Variants in ITPR2 observed in about 807,000 individuals in gnomAD.
ITPR2 encodes inositol 1,4,5-trisphosphate-gated calcium channel ITPR2.
Under a neutral mutation model 317.1 loss-of-function variants are expected in ITPR2, and 207 were observed. That is an observed-to-expected ratio of 0.65 (90% CI 0.58 to 0.73). ITPR2 has a LOEUF of 0.73. ITPR2 is among the 30% of genes least tolerant of loss of function. The pLI is 0.00. For missense variants in ITPR2, 2,613 were observed against 3,284.0 expected (o/e 0.80, Z 4.99); for synonymous variants, 1,156 against 1,149.1 (o/e 1.01, Z -0.12).
chr12:26,366,247 CAAAT>C (rs1202692628), intron 55 of ITPR2, among the ~76,000 whole-genome samples: 1 of 152,134 alleles, frequency 6.6e-6, no homozygotes, highest in African/African-American at 2.4e-5. Flanking sequence ...AACTAAATGA[CAAAT>C]AAGTAATGAA....
intron 2 of ITPR2, among the ~76,000 whole-genome samples, chr12:26,746,648 T>G (rs577725101): frequency 6.6e-6 from 1 of 152,316 alleles, no homozygotes; most frequent in Non-Finnish European, 1.5e-5. Flanking sequence ...TTATTACTGA[T>G]GCACACATGT....
chr12:26,536,335 G>A (rs1299476431), intron 37 of ITPR2, among the ~76,000 whole-genome samples: 2 of 152,136 alleles, frequency 1.3e-5, no homozygotes, highest in Non-Finnish European at 1.5e-5. Flanking sequence ...TTCTCAGGAG[G>A]AACAGCCCCT....
At chr12:26,570,278 A>G (rs1182857235) in intron 34 of ITPR2, among the ~76,000 whole-genome samples, 6 of 152,202 alleles carry the variant, frequency 3.9e-5, no homozygotes, top group Non-Finnish European at 7.4e-5. Context: ...AGAATAATGC[A>G]TTTCAGATAA....
At chr12:26,822,413 T>C (rs191414759) in intron 1 of ITPR2, among the ~76,000 whole-genome samples, 64 of 152,296 alleles carry the variant, frequency 4.2e-4, no homozygotes, top group Middle Eastern at 3.4e-3. Flanking sequence ...ACTCCATATA[T>C]ACCAGAAGGG....
chr12:26,536,380 T>A (rs1177969069), intron 37 of ITPR2, among the ~76,000 whole-genome samples: 1 of 152,124 alleles, frequency 6.6e-6, no homozygotes, highest in Non-Finnish European at 1.5e-5. Flanking sequence ...GGACAGTTTG[T>A]TAGTCCCCTG....
At chr12:26,516,121 C>T (rs1028230817) in intron 37 of ITPR2, among the ~76,000 whole-genome samples, 3 of 124,842 alleles carry the variant, frequency 2.4e-5, no homozygotes, top group African/African-American at 9.1e-5. Flanking sequence ...GAGACCCTGT[C>T]TCAAAAGAAA....
chr12:26,779,968 GC>G (rs1436245200), intron 2 of ITPR2, among the ~76,000 whole-genome samples: 1 of 152,204 alleles, frequency 6.6e-6, no homozygotes, highest in Admixed American at 6.5e-5. Context: ...CCATGTGAGT[GC>G]TCACCAACAG....
At chr12:26,716,085 T>C (rs1404424209) in intron 6 of ITPR2, 59 bp downstream of exon 6, 1 of 1,116,698 alleles carries the variant, frequency 9.0e-7, no homozygotes, top group East Asian at 2.4e-5. Flanking sequence ...TATTACTTTT[T>C]TCTCCCTCTG....
chr12:26,572,957 A>G (rs988215119), intron 34 of ITPR2, among the ~76,000 whole-genome samples: 4 of 149,634 alleles, frequency 2.7e-5, no homozygotes, highest in Admixed American at 2.0e-4. Context: ...GGGCAACATG[A>G]TAAAGCATAA....
intron 4 of ITPR2, among the ~76,000 whole-genome samples, chr12:26,723,645 C>T (rs1948872238): frequency 6.6e-6 from 1 of 152,210 alleles, no homozygotes; most frequent in East Asian, 1.9e-4. Flanking sequence ...CAACAGTGCA[C>T]TGCTTTGACT....
chr12:26,450,534 G>T (rs962102750), intron 45 of ITPR2, among the ~76,000 whole-genome samples: 1 of 152,154 alleles, frequency 6.6e-6, no homozygotes, highest in Non-Finnish European at 1.5e-5. Flanking sequence ...TCAGAGTCCT[G>T]TGAGAAAGAA....
chr12:26,448,221 T>C (rs903221282), intron 45 of ITPR2, among the ~76,000 whole-genome samples: 2 of 152,090 alleles, frequency 1.3e-5, no homozygotes, highest in African/African-American at 4.8e-5. Context: ...CCAACTTTAC[T>C]ATTGACAAAG....
intron 37 of ITPR2, among the ~76,000 whole-genome samples, chr12:26,496,542 TTC>T (rs1565561289): frequency 1.3e-5 from 2 of 152,216 alleles, no homozygotes; most frequent in African/African-American, 4.8e-5. Flanking sequence ...AAGCTTCTTA[TTC>T]TGTTTCCACT....
chr12:26,491,875 A>G (rs1942816069), intron 39 of ITPR2, among the ~76,000 whole-genome samples: 1 of 152,212 alleles, frequency 6.6e-6, no homozygotes, highest in East Asian at 1.9e-4. Context: ...CATGTGAGAC[A>G]TGTTGAGTTT....
At chr12:26,463,695 AAAC>A (rs199977661) in intron 45 of ITPR2, among the ~76,000 whole-genome samples, 8,918 of 98,298 alleles carry the variant, frequency 0.091, 744 homozygotes, top group African/African-American at 0.2. Flanking sequence ...ACAAACAAAC[AAAC>A]AAAAAAAAAA....
intron 55 of ITPR2, among the ~76,000 whole-genome samples, chr12:26,376,735 TTCTC>T (rs956505425): frequency 1.1e-4 from 16 of 151,848 alleles, no homozygotes; most frequent in African/African-American, 2.4e-4. Context: ...TTCTTTCTCT[TTCTC>T]TCTCTTTCTT....
chr12:26,395,821 G>A (rs1939980529), intron 54 of ITPR2, among the ~76,000 whole-genome samples: 1 of 152,188 alleles, frequency 6.6e-6, no homozygotes, highest in Non-Finnish European at 1.5e-5. Context: ...GGACTTTTGA[G>A]TTAGGTAGTC....
rs1443149273 is a variant in ITPR2, at chr12:26,768,433, AATAAAAAAT to A, written c.163+21715_163+21723del. 6.0e-3 allele frequency among the ~76,000 whole-genome samples: 593 copies of A among 99,404 alleles called. 3 individuals carry two copies. Among genetic ancestry groups the A allele is most frequent in the African/African-American group, 0.018 (537 of 29,866 alleles). The allele number at this position is 99,404 out of a possible 152,430, so 65.2% of individuals were successfully genotyped here. ...GTATAATAAAAAAAAATTAAAAAAAAATAAAAAATAAAAAATAAAAAATAAAAAAATAAA... is the reference window on the plus strand; with the variant it reads ...GTATAATAAAAAAAAATTAAAAAAAAAAAAAATAAAAAATAAAAAAATAAA... On this transcript the variant is annotated intron_variant, in intron 2 of 56. Transcript: ENST00000381340.
chr12:26,661,550 T>A (rs10743589), intron 15 of ITPR2, among the ~76,000 whole-genome samples: 4 of 152,180 alleles, frequency 2.6e-5, no homozygotes, highest in African/African-American at 9.6e-5. Context: ...CCCCAAGTAC[T>A]CTTCCAAAGG....
Sources: gnomAD v4.1 joint callset for allele counts (sites outside exome capture counted in the v4.1 genomes callset) on GRCh38, gnomAD v4.1.1 for gene constraint, MANE v1.5 for transcripts, NCBI Gene and HGNC (gene_info 2026-07-23, HGNC 2026-07-21) for gene names.